Variants in EPN1 observed in about 807,000 individuals in gnomAD.
The protein encoded by EPN1 is epsin 1, also known as epsin-1.
In EPN1, 25 loss-of-function variants were observed where a neutral mutation model predicts 56.9. The observed-to-expected ratio is 0.44, with a 90% confidence interval of 0.32 to 0.61. The LOEUF (loss-of-function observed/expected upper bound fraction) is 0.61, where lower values mean the gene tolerates loss of function less well. Among genes scored for constraint, EPN1 ranks in the 20% least tolerant of loss-of-function variants. EPN1 has a pLI of 0.05. For synonymous variants in EPN1, 411 were observed against 361.8 expected, an observed-to-expected ratio of 1.14 and a Z score of -1.54; for missense variants, 785 against 823.7, an observed-to-expected ratio of 0.95 and a Z score of 0.58.
rs942595053 is a variant in EPN1, at chr19:55,696,453, C to T, written c.*1097C>T. The T allele has an allele frequency of 6.6e-6, 1 of 152,354 alleles. No homozygotes were observed. The highest frequency in any genetic ancestry group is 1.5e-5 in the Non-Finnish European group (1 of 68,118). The allele number at this position is 152,354 out of a possible 1,614,324, so 9.4% of individuals were successfully genotyped here. ...TTTTAAGCCGAACAGGCTGTTCTTC[C>T]ATGTGGAGTCTCCCTCCGTGATCCC... is the stretch of plus-strand genomic sequence containing the variant. On this transcript the variant is annotated 3_prime_UTR_variant, in exon 11 of 11. Coordinates refer to ENST00000270460, the MANE Select transcript of EPN1 (RefSeq NM_001130072.2).
intron 1 of EPN1, chr19:55,677,060 G>A (rs1305408581): frequency 6.6e-7 from 1 of 1,512,130 alleles, no homozygotes; most frequent in East Asian, 2.5e-5. Context: ...CTGGCTTTCT[G>A]GCCTGAGGTG....
intron 1 of EPN1, chr19:55,677,543 C>A: frequency 6.7e-7 from 1 of 1,482,314 alleles, no homozygotes; most frequent in Non-Finnish European, 9.2e-7. Flanking sequence ...AATTATTTAA[C>A]TTCCAGGAGC....
Position 55,685,594 on chromosome 19 carries a change from G to A in EPN1, c.427G>A (p.Glu143Lys). 6.2e-7 allele frequency: 1 copy of A among 1,607,202 alleles called. No individual in the cohort carries two copies. Among genetic ancestry groups the A allele is most frequent in the Non-Finnish European group, 8.5e-7 (1 of 1,177,238 alleles). Residue 143 changes from glutamate (E) to lysine (K), a missense_variant, in exon 3 of 11, where the codon GAG (glutamate) becomes AAG (lysine). Glu to Lys is a moderately conservative substitution (Grantham distance 56). Around this residue, in one of 2 missense-constraint regions of EPN1, gnomAD observed 135 missense variants for 218.7 expected, o/e 0.62. Coordinates refer to ENST00000270460, the MANE Select transcript of EPN1 (RefSeq NM_001130072.2). ...LLRDEDRLRE[E>K]RAHALKTKEK... Reference sequence around the variant, plus strand: ...GCGCGACGAGGACCGGCTGCGGGAAGAGCGGGCGCACGCGCTCAAGACCAA... The same window carrying A: ...GCGCGACGAGGACCGGCTGCGGGAAAAGCGGGCGCACGCGCTCAAGACCAA...
At chr19:55,684,463 G>A (rs886420107) in intron 2 of EPN1, among the ~76,000 whole-genome samples, 6 of 152,054 alleles carry the variant, frequency 3.9e-5, no homozygotes, top group South Asian at 2.1e-4. Context: ...TGGTCCCCCC[G>A]CCCCCACTAT....
chr19:55,678,892 G>A, intron 2 of EPN1, 37 bp downstream of exon 2: 1 of 1,479,022 alleles, frequency 6.8e-7, no homozygotes, highest in Non-Finnish European at 9.3e-7. Flanking sequence ...CAGGTGCAGG[G>A]GCTCAGGTGG....
rs1444326868 is a variant in EPN1 at position 55,698,374 on chromosome 19, A to G, written c.*3018A>G. ...CAGGTGAAGCGATGGGGCGTGGGAC[A>G]TTCCTGGGTCTCGACTCTGTTCAGG... On this transcript the variant is annotated 3_prime_UTR_variant, in exon 11 of 11. Coordinates refer to ENST00000270460, the MANE Select transcript of EPN1 (RefSeq NM_001130072.2). The G allele has an allele frequency of 1.3e-5, 2 of 151,978 alleles. No homozygotes were observed. Among genetic ancestry groups the G allele is most frequent in the East Asian group, 1.9e-4 (1 of 5,174 alleles). The allele number at this position is 151,978 out of a possible 1,614,324, so 9.4% of individuals were successfully genotyped here.
intron 2 of EPN1, among the ~76,000 whole-genome samples, chr19:55,680,961 C>T (rs1985776410): frequency 1.3e-5 from 2 of 152,246 alleles, no homozygotes; most frequent in Admixed American, 6.5e-5. Flanking sequence ...GTGGGTTGTG[C>T]AGGAGCAGTC....
chr19:55,685,175 G>A (rs555708012), intron 2 of EPN1, among the ~76,000 whole-genome samples: 156 of 152,376 alleles, frequency 1.0e-3, no homozygotes, highest in African/African-American at 3.6e-3. Context: ...GTCGCTGAGC[G>A]CAGTACCTCC....
rs1025582149 is a variant in EPN1, at chr19:55,691,526, G to T, written c.763-228G>T. ...AGTGGGGCTGTGTTGGGGCTCCCTGGTGGTACCCTCGGGTGGGGTAGGTGG... is the reference window on the plus strand; with the variant it reads ...AGTGGGGCTGTGTTGGGGCTCCCTGTTGGTACCCTCGGGTGGGGTAGGTGG... On this transcript the variant is annotated intron_variant, in intron 6 of 10. Transcript: ENST00000270460. This position sits in a 1 kb window ranked among gnomAD's most constrained non-coding sequence, Gnocchi z 5.6. 8.6e-5 allele frequency among the ~76,000 whole-genome samples: 13 copies of T among 151,852 alleles called. No individual in the cohort carries two copies. Among genetic ancestry groups the T allele is most frequent in the Non-Finnish European group, 1.9e-4 (13 of 67,928 alleles).
chr19:55,678,972 A>G (rs1985621852), intron 2 of EPN1, 117 bp downstream of exon 2: 3 of 680,994 alleles, frequency 4.4e-6, no homozygotes, highest in Non-Finnish European at 7.6e-6. Context: ...ACTGGAGAAG[A>G]GTAAAATCTC....
At chr19:55,681,950 A>G (rs1324374636) in intron 2 of EPN1, among the ~76,000 whole-genome samples, 2 of 152,058 alleles carry the variant, frequency 1.3e-5, no homozygotes, top group African/African-American at 2.4e-5. Context: ...ACACACCACC[A>G]TGCCCGGCTA....
Position 55,709,053 on chromosome 19 carries a change from A to G in EPN1, c.*13697A>G. The G allele has an allele frequency of 6.4e-7, 1 of 1,554,862 alleles. No individual in the cohort carries two copies. ...AGCCAGATTTGTGCAGCCTGGGAAA[A>G]TAGAAATAAAGTTTTTTTTTTTGTT... On this transcript the variant is annotated 3_prime_UTR_variant, in exon 11 of 11. Transcript: ENST00000270460.
rs528492836 is a variant in EPN1 at position 55,685,561 on chromosome 19, G to T, written c.394G>T (p.Ala132Ser). 3.1e-6 allele frequency: 5 copies of T among 1,610,600 alleles called. No homozygotes were observed. Among genetic ancestry groups the T allele is most frequent in the Non-Finnish European group, 4.2e-6 (5 of 1,178,624 alleles). ...NVREKAKQLVALLRDEDRLRE... is the reference protein window; with the variant it reads ...NVREKAKQLVSLLRDEDRLRE... ...GCGTGAGAAAGCTAAGCAGCTGGTG[G>T]CCCTGCTGCGCGACGAGGACCGGCT... The change falls in exon 3 of 11, where the codon GCC (alanine) becomes TCC (serine). Residue 132 changes from alanine (A) to serine (S), a missense_variant. Physicochemically the swap from Ala to Ser is moderately conservative, Grantham distance 99. Transcript: ENST00000270460.
At position 55,689,776 on chromosome 19, in the gene EPN1, T is replaced by G; in HGVS notation, c.679-91T>G. The G allele has an allele frequency of 8.5e-7, 1 of 1,174,790 alleles. No individual in the cohort carries two copies. Among genetic ancestry groups the G allele is most frequent in the Non-Finnish European group, 1.2e-6 (1 of 808,888 alleles). The allele number at this position is 1,174,790 out of a possible 1,614,324, so 72.8% of individuals were successfully genotyped here. A position where few individuals can be genotyped will look rare whatever the true frequency, so the allele number is the denominator to read the frequency against. On this transcript the variant is annotated intron_variant, in intron 5 of 10. Transcript: ENST00000270460. This position sits in a 1 kb window ranked among gnomAD's most constrained non-coding sequence, Gnocchi z 5.7. ...AATCCTTCAGCCGCTTTCGTTGGGG[T>G]GGGAGGGGTTGCTGGGGCTTCCAGG...
intron 3 of EPN1, among the ~76,000 whole-genome samples, chr19:55,687,989 A>G (rs955222499): frequency 1.3e-5 from 2 of 152,154 alleles, no homozygotes; most frequent in African/African-American, 2.4e-5. Context: ...GGACACAAGT[A>G]CAGGACACAG....
chr19:55,687,029 A>G (rs1198571373), intron 3 of EPN1, among the ~76,000 whole-genome samples: 2 of 152,256 alleles, frequency 1.3e-5, no homozygotes, highest in East Asian at 3.9e-4. Flanking sequence ...GCTGGGAAGC[A>G]GCTGCACCCC....
chr19:55,691,920 G>T lies in EPN1; in HGVS notation c.929G>T (p.Gly310Val), dbSNP rs369334871. 2 of 1,570,388 alleles carry T rather than the reference G, an allele frequency of 1.3e-6. No homozygotes were observed. The highest frequency in any genetic ancestry group is 1.8e-5 in the Admixed American group (1 of 54,738). ...PVPPAADPWGGPAPTPASGDP... is the reference protein window; with the variant it reads ...PVPPAADPWGVPAPTPASGDP... ...CCTCCAGCTGCTGATCCCTGGGGAGGTCCAGCCCCCACGCCGGCCTCTGGG... is the reference window on the plus strand; with the variant it reads ...CCTCCAGCTGCTGATCCCTGGGGAGTTCCAGCCCCCACGCCGGCCTCTGGG... The change falls in exon 7 of 11, where the codon GGT (glycine) becomes GTT (valine). Residue 310 changes from glycine (G) to valine (V), a missense_variant. By Grantham distance (109) the Gly-to-Val change is moderately radical. Around this residue, in one of 2 missense-constraint regions of EPN1, gnomAD observed 650 missense variants for 605.0 expected, o/e 1.07. Transcript: ENST00000270460. This position sits in a 1 kb window ranked among gnomAD's most constrained non-coding sequence, Gnocchi z 5.6.
rs1002534825 is a variant in EPN1, at chr19:55,691,429, G to C, written c.763-325G>C. 6.6e-6 allele frequency among the ~76,000 whole-genome samples: 1 copy of C among 151,804 alleles called. No homozygotes were observed. Among genetic ancestry groups the C allele is most frequent in the Non-Finnish European group, 1.5e-5 (1 of 67,898 alleles). ...TTGGCCTCCATCCTCAGTCAGGGCC[G>C]GGCAAGGACCTGGGAGCAGGTGGAG... On this transcript the variant is annotated intron_variant, in intron 6 of 10. Transcript: ENST00000270460. The surrounding 1 kb of genome is among the most constrained non-coding windows in gnomAD (Gnocchi z 5.6).
At position 55,698,421 on chromosome 19, in the gene EPN1, G is replaced by A. The variant is rs1568584995; in HGVS notation, c.*3065G>A. 6.6e-6 allele frequency: 1 copy of A among 152,214 alleles called. No homozygotes were observed. The highest frequency in any genetic ancestry group is 1.5e-5 in the Non-Finnish European group (1 of 68,076). The allele number at this position is 152,214 out of a possible 1,614,324, so 9.4% of individuals were successfully genotyped here. On this transcript the variant is annotated 3_prime_UTR_variant, in exon 11 of 11. Coordinates refer to ENST00000270460, the MANE Select transcript of EPN1 (RefSeq NM_001130072.2). ...CAGGGCCTAGGGGTTGGGTGGGGAA[G>A]GCACTTGAGGGAACCTTCCTGGAGC...
Sources: allele counts gnomAD v4.1 joint callset (sites outside exome capture counted in the v4.1 genomes callset), GRCh38; gene constraint gnomAD v4.1.1; regional missense constraint gnomAD v4.1.1; non-coding constraint Gnocchi (gnomAD v3.1); transcripts MANE v1.5; gene names NCBI Gene and HGNC (gene_info 2026-07-23, HGNC 2026-07-21).